The following KEAP1 variants were observed in gnomAD, a reference collection of about 807,000 sequenced individuals.
KEAP1 encodes kelch-like ECH-associated protein 1.
A neutral mutation model predicts 59.7 loss-of-function variants in KEAP1; 26 were observed. The observed-to-expected ratio is 0.44, with a 90% CI of 0.32 to 0.60. KEAP1 has a LOEUF of 0.60. KEAP1 is among the 20% of genes least tolerant of loss of function. The pLI is 0.06. For synonymous variants in KEAP1, 350 were observed against 358.3 expected, an observed-to-expected ratio of 0.98 and a Z score of 0.26; for missense variants, 539 against 871.4, an observed-to-expected ratio of 0.62 and a Z score of 4.80.
intron 4 of KEAP1, 80 bp downstream of exon 4, chr19:10,489,568 T>A: frequency 6.6e-7 from 1 of 1,508,716 alleles, no homozygotes; most frequent in South Asian, 1.2e-5. Context: ...ACAGGGGGTC[T>A]CTCCCAGGCC....
At chr19:10,488,883 A>C (rs1914566366) in intron 5 of KEAP1, among the ~76,000 whole-genome samples, 1 of 151,780 alleles carries the variant, frequency 6.6e-6, no homozygotes, top group Non-Finnish European at 1.5e-5. Flanking sequence ...GTGAGCTGAG[A>C]TCATGCCATT....
At chr19:10,493,609 C>T (rs1306842376) in intron 2 of KEAP1, among the ~76,000 whole-genome samples, 13 of 139,210 alleles carry the variant, frequency 9.3e-5, no homozygotes, top group African/African-American at 3.0e-4. Flanking sequence ...TTGCCCAGGC[C>T]GGACTGCAGT....
rs1385500004 is a variant in KEAP1 at position 10,486,257 on chromosome 19, A to C, written c.*395T>G. The C allele has an allele frequency of 4.0e-6, 1 of 250,674 alleles. No homozygotes were observed. The highest frequency in any genetic ancestry group is 5.9e-5 in the East Asian group (1 of 17,046). 15.5% of individuals were successfully genotyped at this position (250,674 alleles called of 1,614,324 possible). On this transcript the variant is annotated 3_prime_UTR_variant, in exon 6 of 6. Transcript: ENST00000171111. ...ATGTACAGGCCCATCCCTGGGAACCACATTTCCAGAGGGGGCCTCCCCCTG... is the reference window on the plus strand; with the variant it reads ...ATGTACAGGCCCATCCCTGGGAACCCCATTTCCAGAGGGGGCCTCCCCCTG...
rs1323276837 is a variant in KEAP1 at position 10,502,089 on chromosome 19, AC to A, written c.-48+1151del. On this transcript the variant is annotated intron_variant, in intron 1 of 5. Coordinates refer to ENST00000171111, the MANE Select transcript of KEAP1 (RefSeq NM_203500.2). This position sits in a 1 kb window ranked among gnomAD's most constrained non-coding sequence, Gnocchi z 4.0. ...ACCTATGTAGGTCGGCGTCGGGCCA[AC>A]CCTCTCCTGTGCCTCTCGCCTGGGG... Among the ~76,000 whole-genome samples, 2 of 151,972 alleles carry A rather than the reference AC, an allele frequency of 1.3e-5. No homozygotes were observed. The highest frequency in any genetic ancestry group is 4.8e-5 in the African/African-American group (2 of 41,390).
At chr19:10,494,804 A>G (rs1016760950) in intron 2 of KEAP1, among the ~76,000 whole-genome samples, 37 of 149,624 alleles carry the variant, frequency 2.5e-4, no homozygotes, top group African/African-American at 8.6e-4. Context: ...ACAGGTGCCC[A>G]CCACCATATC....
At chr19:10,492,598 G>A (rs1914712360) in intron 2 of KEAP1, 2 of 258,580 alleles carry the variant, frequency 7.7e-6, no homozygotes, top group African/African-American at 2.3e-5. Flanking sequence ...CACGCCTCTA[G>A]TCCCAGCTAC....
chr19:10,493,170 T>G (rs1414244425), intron 2 of KEAP1, among the ~76,000 whole-genome samples: 1 of 149,202 alleles, frequency 6.7e-6, no homozygotes, highest in Admixed American at 6.7e-5. Flanking sequence ...AATTTTTTTT[T>G]TTTTTTTGGA....
chr19:10,492,638 A>T (rs910758893), intron 2 of KEAP1: 1 of 205,080 alleles, frequency 4.9e-6, no homozygotes, highest in Non-Finnish European at 1.0e-5. Flanking sequence ...GAATCGCTTG[A>T]ACCCGGGAGG....
chr19:10,499,857 A>G lies in KEAP1; in HGVS notation c.177T>C (p.His59=), dbSNP rs1713742878. ...NRTFSYTLED[H]TKQAFGIMNE... ...TCATGATGCCAAAGGCCTGCTTGGT[A>G]TGATCCTCCAGGGTGTAGCTGAAGG... Residue 59 remains histidine (H), a synonymous_variant, in exon 2 of 6, where the codon CAT becomes CAC. Coordinates refer to ENST00000171111, the MANE Select transcript of KEAP1 (RefSeq NM_203500.2). The surrounding 1 kb of genome is among the most constrained non-coding windows in gnomAD (Gnocchi z 6.7). 1.2e-6 allele frequency: 2 copies of G among 1,613,834 alleles called. No homozygotes were observed. The highest frequency in any genetic ancestry group is 1.7e-6 in the Non-Finnish European group (2 of 1,179,992).
chr19:10,499,742 C>A lies in KEAP1; in HGVS notation c.292G>T (p.Val98Leu), dbSNP rs2144628175. 1 of 1,614,112 alleles carries A rather than the reference C, an allele frequency of 6.2e-7. No individual in the cohort carries two copies. The highest frequency in any genetic ancestry group is 8.5e-7 in the Non-Finnish European group (1 of 1,180,034). Residue 98 changes from valine (V) to leucine (L), a missense_variant, in exon 2 of 6, where the codon GTG becomes TTG. Val to Leu is a conservative substitution (Grantham distance 32, BLOSUM62 1). Coordinates refer to ENST00000171111, the MANE Select transcript of KEAP1 (RefSeq NM_203500.2). This position sits in a 1 kb window ranked among gnomAD's most constrained non-coding sequence, Gnocchi z 6.7. ...ACAGGGCTGGATGAGGCCAGCACCA[C>A]CTTGTGGGCCATGAACTGGGCGGCC... Reference protein sequence around the residue: ...APAAQFMAHKVVLASSSPVFK... With the variant: ...APAAQFMAHKLVLASSSPVFK...
At position 10,499,065 on chromosome 19, in the gene KEAP1, C is replaced by T. The variant is rs1286905657; in HGVS notation, c.639+330G>A. 1.3e-5 allele frequency among the ~76,000 whole-genome samples: 2 copies of T among 152,128 alleles called. No individual in the cohort carries two copies. The highest frequency in any genetic ancestry group is 2.9e-5 in the Non-Finnish European group (2 of 68,034). ...GGCCAGGCTGGTCTTGAACTCCTTA[C>T]CTCAGGTGATCCACCTGCCTCGGCC... On this transcript the variant is annotated intron_variant, in intron 2 of 5. Transcript: ENST00000171111. The surrounding 1 kb of genome is among the most constrained non-coding windows in gnomAD (Gnocchi z 6.7).
At position 10,499,332 on chromosome 19, in the gene KEAP1, T is replaced by C. The variant is rs2144623392; in HGVS notation, c.639+63A>G. ...TTGACATCTCAAGGGGAGACAGTGA[T>C]GAGCACTCGTCCATCCCTGGTCCTT... On this transcript the variant is annotated intron_variant, in intron 2 of 5. Coordinates refer to ENST00000171111, the MANE Select transcript of KEAP1 (RefSeq NM_203500.2). This position sits in a 1 kb window ranked among gnomAD's most constrained non-coding sequence, Gnocchi z 6.7. 7.2e-7 allele frequency: 1 copy of C among 1,389,014 alleles called. No homozygotes were observed. The highest frequency in any genetic ancestry group is 9.8e-7 in the Non-Finnish European group (1 of 1,025,408). The allele number at this position is 1,389,014 out of a possible 1,614,324, so 86.0% of individuals were successfully genotyped here.
intron 4 of KEAP1, 40 bp downstream of exon 4, chr19:10,489,608 G>A (rs1030601377): frequency 1.4e-5 from 22 of 1,596,446 alleles, no homozygotes; most frequent in Non-Finnish European, 1.9e-5. Context: ...GATGGTAGGG[G>A]GTGTTCCTGG....
intron 4 of KEAP1, 127 bp from the exon 5 acceptor site, chr19:10,489,495 G>T: frequency 8.0e-7 from 1 of 1,257,568 alleles, no homozygotes; most frequent in Non-Finnish European, 1.1e-6. Context: ...AGCGGGGAGA[G>T]AGAGAAGCTT....
At chr19:10,493,336 ATT>A (rs1042691885) in intron 2 of KEAP1, among the ~76,000 whole-genome samples, 14 of 150,366 alleles carry the variant, frequency 9.3e-5, no homozygotes, top group African/African-American at 1.5e-4. Context: ...GTTTTTTTGT[ATT>A]TTTTTAGTAG....
chr19:10,486,613 C>T lies in KEAP1; in HGVS notation c.*39G>A, dbSNP rs1262477891. 1.3e-6 allele frequency: 2 copies of T among 1,575,308 alleles called. No homozygotes were observed. Among genetic ancestry groups the T allele is most frequent in the Admixed American group, 1.8e-5 (1 of 56,942 alleles). On this transcript the variant is annotated 3_prime_UTR_variant, in exon 6 of 6. Coordinates refer to ENST00000171111, the MANE Select transcript of KEAP1 (RefSeq NM_203500.2). Reference sequence around the variant, plus strand: ...TTTTTGTACAAAAACAATGATACTCCCCATTGGACTGTATTTTTGCCCAAG... The same window carrying T: ...TTTTTGTACAAAAACAATGATACTCTCCATTGGACTGTATTTTTGCCCAAG...
At position 10,489,334 on chromosome 19, in the gene KEAP1, A is replaced by G. The variant is rs2144587477; in HGVS notation, c.1566T>C (p.Ala522=). ...GCTGGTCCTGACCATCATAGCCCCC[A>G]GCAGCATAGATACAGTTGTGCAGGA... ...VCVLHNCIYA[A]GGYDGQDQLN... The change falls in exon 5 of 6, where the codon GCT becomes GCC. Residue 522 remains alanine (A), a synonymous_variant. Transcript: ENST00000171111. 1 of 1,614,012 alleles carries G rather than the reference A, an allele frequency of 6.2e-7. No homozygotes were observed. Among genetic ancestry groups the G allele is most frequent in the Non-Finnish European group, 8.5e-7 (1 of 1,179,964 alleles).
At chr19:10,489,127 C>T (rs924349480) in intron 5 of KEAP1, 65 bp downstream of exon 5, 12 of 760,346 alleles carry the variant, frequency 1.6e-5, no homozygotes, top group African/African-American at 3.9e-5. Flanking sequence ...AAAAGGAAAG[C>T]AAAAGCAAAA....
chr19:10,496,517 G>T (rs1020192451), intron 2 of KEAP1, among the ~76,000 whole-genome samples: 2 of 143,638 alleles, frequency 1.4e-5, no homozygotes, highest in Admixed American at 6.9e-5. Context: ...AAAAAAAAAA[G>T]GGGGCTTGGC....
Sources: gnomAD v4.1 joint callset for allele counts (sites outside exome capture counted in the v4.1 genomes callset) on GRCh38, gnomAD v4.1.1 for gene constraint, Gnocchi (gnomAD v3.1) non-coding constraint, MANE v1.5 for transcripts, NCBI Gene and HGNC (gene_info 2026-07-23, HGNC 2026-07-21) for gene names.